The following TULP3 variants were observed in gnomAD, a reference collection of about 807,000 sequenced individuals.
TULP3 encodes the protein TUB like protein 3.
A neutral mutation model predicts 50.7 loss-of-function variants in TULP3; 38 were observed. The ratio of observed to expected loss-of-function variants is 0.75; its 90% CI spans 0.58 to 0.98. The LOEUF is 0.98. Among genes scored for constraint, TULP3 ranks in the 50% least tolerant of loss-of-function variants. The pLI is 0.00. For missense variants in TULP3, 550 were observed against 568.0 expected, an observed-to-expected ratio of 0.97 and a Z score of 0.32; for synonymous variants, 183 against 196.6, an observed-to-expected ratio of 0.93 and a Z score of 0.58.
chr12:2,915,080 TC>T (rs1237624872), intron 2 of TULP3, among the ~76,000 whole-genome samples: 1 of 151,672 alleles, frequency 6.6e-6, no homozygotes, highest in Non-Finnish European at 1.5e-5. Context: ...CCTCTGCCTC[TC>T]GGGTTCAAGC....
chr12:2,917,662 G>A (rs2098189396), intron 2 of TULP3, among the ~76,000 whole-genome samples: 1 of 151,920 alleles, frequency 6.6e-6, no homozygotes, highest in Non-Finnish European at 1.5e-5. Context: ...CGGATCATGA[G>A]GTCAGGAGAT....
At chr12:2,930,202 T>C (rs2098197109) in intron 4 of TULP3, 46 bp from the exon 5 acceptor site, 2 of 1,349,858 alleles carry the variant, frequency 1.5e-6, no homozygotes, top group Admixed American at 2.1e-5. Context: ...CAAAGACCTT[T>C]TTTAAACAGT....
rs371148274 is a variant in TULP3, at chr12:2,890,920, C to A, written c.-28C>A. The A allele has an allele frequency of 6.9e-6, 11 of 1,583,382 alleles. No individual in the cohort carries two copies. Among genetic ancestry groups the A allele is most frequent in the African/African-American group, 4.1e-5 (3 of 73,564 alleles). On this transcript the variant is annotated 5_prime_UTR_variant, in exon 1 of 11. Transcript: ENST00000448120. ...TAGCGACGGCGGGGAAGAGTGTGTA[C>A]GTGGTGGGGGCTTCCTCGGTGGCGG...
intron 4 of TULP3, among the ~76,000 whole-genome samples, chr12:2,927,038 A>C (rs1369330838): frequency 2.6e-5 from 4 of 151,926 alleles, no homozygotes; most frequent in African/African-American, 9.6e-5. Flanking sequence ...ATTTCCCTCC[A>C]ATCCCCTCAG....
At chr12:2,902,790 A>G (rs926248349) in intron 1 of TULP3, among the ~76,000 whole-genome samples, 4 of 151,800 alleles carry the variant, frequency 2.6e-5, no homozygotes, top group African/African-American at 9.7e-5. Context: ...AAATTTCTTC[A>G]TTGTTCATAC....
chr12:2,905,847 G>T (rs2060304103), intron 1 of TULP3, among the ~76,000 whole-genome samples: 1 of 151,502 alleles, frequency 6.6e-6, no homozygotes, highest in Admixed American at 6.6e-5. Context: ...CATGGGTGGG[G>T]AATGATTTGT....
In TULP3 at chr12:2,894,538, A is replaced by AAC. The variant is rs56834874; in HGVS notation, c.41+3577_41+3578dup. On this transcript the variant is annotated intron_variant, in intron 1 of 10. Transcript: ENST00000448120. ...TGACAGAGCAAGACTCCGTCTCAAA[A>AAC]ACACACACACACACACACACACACA... Among the ~76,000 whole-genome samples the AAC allele has an allele frequency of 4.0e-3, 590 of 147,818 alleles. 2 individuals carry two copies. The highest frequency in any genetic ancestry group is 0.01 in the African/African-American group (405 of 40,024).
chr12:2,904,921 A>C (rs1183894659), intron 1 of TULP3, among the ~76,000 whole-genome samples: 4 of 151,952 alleles, frequency 2.6e-5, no homozygotes, highest in African/African-American at 9.7e-5. Context: ...CCTGGCCAAC[A>C]TGGCGAAACC....
At chr12:2,905,734 C>T (rs556107119) in intron 1 of TULP3, among the ~76,000 whole-genome samples, 1 of 152,106 alleles carries the variant, frequency 6.6e-6, no homozygotes, top group South Asian at 2.1e-4. Flanking sequence ...TCTAGATGTA[C>T]TGTCAGAGAC....
At chr12:2,899,494 T>G (rs924899465) in intron 1 of TULP3, among the ~76,000 whole-genome samples, 5 of 152,200 alleles carry the variant, frequency 3.3e-5, no homozygotes, top group African/African-American at 1.2e-4. Context: ...TCATAGTTAT[T>G]CATACTGTGA....
chr12:2,899,063 A>C (rs2098177268), intron 1 of TULP3, among the ~76,000 whole-genome samples: 1 of 152,132 alleles, frequency 6.6e-6, no homozygotes, highest in African/African-American at 2.4e-5. Flanking sequence ...TGAAATTCAT[A>C]GGCTGGGCAC....
At chr12:2,930,686 G>A (rs929909003) in intron 5 of TULP3, among the ~76,000 whole-genome samples, 1 of 152,100 alleles carries the variant, frequency 6.6e-6, no homozygotes, top group Non-Finnish European at 1.5e-5. Context: ...GCCTCCCAAA[G>A]TGCTGGGATT....
intron 2 of TULP3, among the ~76,000 whole-genome samples, chr12:2,914,694 G>A (rs1332357203): frequency 4.0e-5 from 6 of 149,968 alleles, no homozygotes; most frequent in African/African-American, 7.4e-5. Context: ...GTGTAGTGGC[G>A]CAATCTTGGC....
intron 1 of TULP3, among the ~76,000 whole-genome samples, chr12:2,903,484 C>T (rs962838356): frequency 1.3e-5 from 2 of 151,186 alleles, no homozygotes; most frequent in Non-Finnish European, 2.9e-5. Context: ...ATTGCTTGAA[C>T]CCGGGAGGCG....
rs1280507194 is a variant in TULP3 at position 2,937,662 on chromosome 12, G to A, written c.956G>A (p.Arg319Lys). The stretch of plus-strand genomic sequence containing the variant: ...AACGTACTTGGATTTAAAGGTCCTA[G>A]GAAAATGTCTGTGATCATTCCTGGA... ...ETNVLGFKGP[R>K]KMSVIIPGMT... is the part of the protein sequence containing the mutation. The change falls in exon 9 of 11, where the codon AGG becomes AAG. Residue 319 changes from arginine (R) to lysine (K), a missense_variant. Coordinates refer to ENST00000448120, the MANE Select transcript of TULP3 (RefSeq NM_003324.5). 2.5e-6 allele frequency: 4 copies of A among 1,612,918 alleles called. No individual in the cohort carries two copies. In the African/African-American group the frequency reaches 5.3e-5, roughly 22 times the overall value.
chr12:2,910,278 A>G (rs1014506814), intron 2 of TULP3, among the ~76,000 whole-genome samples: 1 of 114,772 alleles, frequency 8.7e-6, no homozygotes, highest in Non-Finnish European at 1.8e-5. Context: ...TCCGTCTCAA[A>G]GAAAAAAAAA....
chr12:2,909,538 T>C lies in TULP3; in HGVS notation c.51T>C (p.His17=), dbSNP rs1434523505. Reference sequence around the variant, plus strand: ...TTTTTTTTTTTAACAGTGTCTTCCATGAAGAAATGATGAAGATGCGACAGG... The same window carrying C: ...TTTTTTTTTTTAACAGTGTCTTCCACGAAGAAATGATGAAGATGCGACAGG... The part of the protein sequence containing the change: ...RLSPSGDSVF[H]EEMMKMRQAK... The change falls in exon 2 of 11, where the codon CAT becomes CAC. Residue 17 remains histidine (H), a synonymous_variant. Coordinates refer to ENST00000448120, the MANE Select transcript of TULP3 (RefSeq NM_003324.5). 4 of 1,573,402 alleles carry C rather than the reference T, an allele frequency of 2.5e-6. No homozygotes were observed. The highest frequency in any genetic ancestry group is 2.3e-5 in the East Asian group (1 of 43,924).
intron 2 of TULP3, among the ~76,000 whole-genome samples, chr12:2,915,603 A>T (rs189134423): frequency 1.2e-3 from 178 of 151,542 alleles, no homozygotes; most frequent in African/African-American, 4.2e-3. Flanking sequence ...CAGTGGTGCA[A>T]TCTCAGCTCA....
rs566870711 is a variant in TULP3 at position 2,939,494 on chromosome 12, G to A, written c.*50G>A. On this transcript the variant is annotated 3_prime_UTR_variant, in exon 11 of 11. Coordinates refer to ENST00000448120, the MANE Select transcript of TULP3 (RefSeq NM_003324.5). The surrounding 1 kb of genome is among the most constrained non-coding windows in gnomAD (Gnocchi z 4.0). ...TCTCCCCACAGAGCTTTCAGGAGCA[G>A]ACAGTGGCCTCCCCTTCCCCTCCCT... 2 of 1,605,300 alleles carry A rather than the reference G, an allele frequency of 1.2e-6. No homozygotes were observed. Among genetic ancestry groups the A allele is most frequent in the South Asian group, 1.1e-5 (1 of 89,796 alleles).
Sources: gnomAD v4.1 joint callset for allele counts (sites outside exome capture counted in the v4.1 genomes callset) on GRCh38, gnomAD v4.1.1 for gene constraint, Gnocchi (gnomAD v3.1) non-coding constraint, MANE v1.5 for transcripts, NCBI Gene and HGNC (gene_info 2026-07-23, HGNC 2026-07-21) for gene names.